MYO18A: variants seen among roughly 807,000 people sequenced by gnomAD.
The protein encoded by MYO18A is unconventional myosin-XVIIIa.
In MYO18A, 78 loss-of-function variants were observed where a neutral mutation model predicts 235.8. That is an observed-to-expected ratio of 0.33 (90% CI 0.28 to 0.40). The LOEUF is 0.40. MYO18A is among the 10% of genes least tolerant of loss of function. The pLI, the probability that MYO18A is intolerant of heterozygous loss-of-function variation, is 1.00. For missense variants in MYO18A, 2,215 were observed against 2,699.3 expected, an observed-to-expected ratio of 0.82 and a Z score of 3.98; for synonymous variants, 977 against 1,077.8, an observed-to-expected ratio of 0.91 and a Z score of 1.83.
intron 2 of MYO18A, among the ~76,000 whole-genome samples, chr17:29,141,437 G>GAA (rs56208330): frequency 7.5e-4 from 107 of 142,520 alleles, no homozygotes; most frequent in South Asian, 5.2e-3. Context: ...TCCTCTTTAG[G>GAA]AAAAAAAAAA....
intron 2 of MYO18A, among the ~76,000 whole-genome samples, chr17:29,154,719 T>A (rs2068030491): frequency 6.6e-6 from 1 of 152,044 alleles, no homozygotes; most frequent in African/African-American, 2.4e-5. Flanking sequence ...ACATGCTGGG[T>A]TCCCCCCATG....
chr17:29,114,057 G>A lies in MYO18A; in HGVS notation c.2552C>T (p.Thr851Met), dbSNP rs752835477. The change falls in exon 15 of 42, where the codon ACG becomes ATG. Residue 851 changes from threonine to methionine, a missense_variant. Thr to Met is a moderately conservative substitution (Grantham distance 81, BLOSUM62 -1). Transcript: ENST00000527372. ...ELAFDDLEPP[T>M]DDSVAAVDQA... is the part of the protein sequence containing the mutation. Reference sequence around the variant, plus strand: ...GTCCACAGCAGCCACAGAGTCATCCGTCGGGGGTTCCAAGTCGTCAAACGC... The same window carrying A: ...GTCCACAGCAGCCACAGAGTCATCCATCGGGGGTTCCAAGTCGTCAAACGC... 68 of 1,604,404 alleles carry A rather than the reference G, an allele frequency of 4.2e-5. No individual in the cohort carries two copies. The highest frequency in any genetic ancestry group is 5.1e-5 in the Non-Finnish European group (60 of 1,175,770).
chr17:29,103,529 A>G (rs2066707240), intron 21 of MYO18A, 70 bp downstream of exon 21: 5 of 1,444,086 alleles, frequency 3.5e-6, no homozygotes, highest in African/African-American at 1.4e-5. Context: ...AGAGAACAGG[A>G]GGAGTGGGCC....
chr17:29,168,268 A>C (rs2068325581), intron 1 of MYO18A, among the ~76,000 whole-genome samples: 1 of 152,078 alleles, frequency 6.6e-6, no homozygotes, highest in Admixed American at 6.5e-5. Context: ...CCAGGAAGAA[A>C]ACTGTGGTAG....
intron 2 of MYO18A, among the ~76,000 whole-genome samples, chr17:29,122,764 C>T (rs1375255812): frequency 6.6e-6 from 1 of 152,220 alleles, no homozygotes; most frequent in Non-Finnish European, 1.5e-5. Flanking sequence ...AGCGGGGAGT[C>T]GCCTGGACTT....
At chr17:29,099,181 C>T (rs890774743) in intron 22 of MYO18A, among the ~76,000 whole-genome samples, 2 of 152,018 alleles carry the variant, frequency 1.3e-5, no homozygotes, top group Non-Finnish European at 2.9e-5. Context: ...GGGAGCACTG[C>T]GCTGGGCACT....
intron 30 of MYO18A, chr17:29,094,395 C>T (rs899037263): frequency 3.3e-6 from 2 of 604,484 alleles, no homozygotes; most frequent in Non-Finnish European, 5.8e-6. Flanking sequence ...GGCCTGTGGC[C>T]CTCAGCTGCC....
intron 1 of MYO18A, among the ~76,000 whole-genome samples, chr17:29,174,497 T>C (rs2068477381): frequency 6.6e-6 from 1 of 151,472 alleles, no homozygotes. Flanking sequence ...AGGGAGATTA[T>C]GTCTCAAAAA....
In MYO18A at chr17:29,099,767, G is replaced by A. The variant is rs2066611091; in HGVS notation, c.3508-5C>T. The A allele has an allele frequency of 3.1e-6, 5 of 1,610,810 alleles. 1 individual carries two copies. In the South Asian group the frequency reaches 4.4e-5, roughly 14 times the overall value. On this transcript the variant is annotated splice_region_variant and splice_polypyrimidine_tract_variant and intron_variant, in intron 21 of 41. Transcript: ENST00000527372. ...GGTGCCCGCCCGGAAGAACACCTGT[G>A]AAAAAGCAGGCCAGGTGAAGGCAGG...
intron 2 of MYO18A, among the ~76,000 whole-genome samples, chr17:29,129,973 C>T (rs1418032940): frequency 6.6e-6 from 1 of 152,238 alleles, no homozygotes; most frequent in Admixed American, 6.5e-5. Flanking sequence ...CCTCTTCTGG[C>T]TTTCCTCCCA....
intron 37 of MYO18A, among the ~76,000 whole-genome samples, chr17:29,089,495 A>G (rs987968676): frequency 2.7e-5 from 4 of 145,718 alleles, no homozygotes; most frequent in African/African-American, 7.5e-5. Context: ...AGGGAGAGAG[A>G]AAAAAAAAAG....
intron 37 of MYO18A, 109 bp downstream of exon 37, chr17:29,089,852 G>A: frequency 5.0e-6 from 7 of 1,407,038 alleles, no homozygotes; most frequent in Non-Finnish European, 6.7e-6. Flanking sequence ...TGAGGCACAG[G>A]CCTCTGAGGA....
rs2067167929 is a variant in MYO18A, at chr17:29,120,333, T to C, written c.1728+283A>G. On this transcript the variant is annotated intron_variant, in intron 7 of 41. Coordinates refer to ENST00000527372, the MANE Select transcript of MYO18A (RefSeq NM_078471.4). The surrounding 1 kb of genome is among the most constrained non-coding windows in gnomAD (Gnocchi z 4.2). ...AGCCCCGAGCATGAATCTCAGAAAG[T>C]GGGAAGTAAGGCTGAGGCCCAGCAG... is the stretch of plus-strand genomic sequence containing the variant. 6.6e-6 allele frequency among the ~76,000 whole-genome samples: 1 copy of C among 151,460 alleles called. No homozygotes were observed. The highest frequency in any genetic ancestry group is 2.4e-5 in the African/African-American group (1 of 41,002).
chr17:29,133,098 T>G (rs1348646433), intron 2 of MYO18A, among the ~76,000 whole-genome samples: 1 of 152,210 alleles, frequency 6.6e-6, no homozygotes, highest in African/African-American at 2.4e-5. Flanking sequence ...AAATCTGTCC[T>G]CCCTCCAGTG....
rs990149556 is a variant in MYO18A at position 29,120,574 on chromosome 17, G to A, written c.1728+42C>T. On this transcript the variant is annotated intron_variant, in intron 7 of 41. Coordinates refer to ENST00000527372, the MANE Select transcript of MYO18A (RefSeq NM_078471.4). This position sits in a 1 kb window ranked among gnomAD's most constrained non-coding sequence, Gnocchi z 4.2. The stretch of plus-strand genomic sequence containing the variant: ...TGATGTCTAGGTCATGAAATCATGT[G>A]GCCTGTGTCCTACTACCCCGAGTCC... 7.5e-6 allele frequency: 12 copies of A among 1,592,276 alleles called. No individual in the cohort carries two copies. Among genetic ancestry groups the A allele is most frequent in the South Asian group, 2.3e-5 (2 of 87,638 alleles).
chr17:29,089,827 C>T, intron 37 of MYO18A, 134 bp downstream of exon 37: 2 of 1,180,556 alleles, frequency 1.7e-6, no homozygotes, highest in East Asian at 2.6e-5. Context: ...ACCTGCCCGT[C>T]AGCTGGCCTG....
At chr17:29,142,212 G>A (rs186584345) in intron 2 of MYO18A, among the ~76,000 whole-genome samples, 6 of 152,316 alleles carry the variant, frequency 3.9e-5, no homozygotes, top group East Asian at 1.9e-4. Flanking sequence ...AATTACAGGC[G>A]TGAGCCACTG....
chr17:29,114,069 A>C lies in MYO18A; in HGVS notation c.2540T>G (p.Leu847Trp). Residue 847 changes from leucine (L) to tryptophan (W), a missense_variant, in exon 15 of 42, where the codon TTG becomes TGG. Physicochemically the swap from Leu to Trp is moderately conservative, Grantham distance 61. Transcript: ENST00000527372. ...EENIELAFDD[L>W]EPPTDDSVAA... Reference sequence around the variant, plus strand: ...CACAGAGTCATCCGTCGGGGGTTCCAAGTCGTCAAACGCCAGCTCGATGTT... The same window carrying C: ...CACAGAGTCATCCGTCGGGGGTTCCCAGTCGTCAAACGCCAGCTCGATGTT... The C allele has an allele frequency of 6.2e-7, 1 of 1,602,054 alleles. No individual in the cohort carries two copies. The highest frequency in any genetic ancestry group is 8.5e-7 in the Non-Finnish European group (1 of 1,174,634).
At chr17:29,161,355 C>CAAAAAAAA (rs1175565325) in intron 2 of MYO18A, among the ~76,000 whole-genome samples, 1 of 50,308 alleles carries the variant, frequency 2.0e-5, no homozygotes. Context: ...AACTCCATGT[C>CAAAAAAAA]AAAAAAAAAA....
Sources: gnomAD v4.1 joint callset for allele counts (sites outside exome capture counted in the v4.1 genomes callset) on GRCh38, gnomAD v4.1.1 for gene constraint, Gnocchi (gnomAD v3.1) non-coding constraint, MANE v1.5 for transcripts, NCBI Gene and HGNC (gene_info 2026-07-23, HGNC 2026-07-21) for gene names.